The following MIPOL1 variants were observed in gnomAD, a reference collection of about 807,000 sequenced individuals.
MIPOL1 encodes the protein mirror-image polydactyly 1, also known as mirror-image polydactyly gene 1 protein.
Under a neutral mutation model 60.9 loss-of-function variants are expected in MIPOL1, and 57 were observed. The ratio of observed to expected loss-of-function variants is 0.94; its 90% CI spans 0.76 to 1.17. The LOEUF (loss-of-function observed/expected upper bound fraction) is 1.17. Among genes scored for constraint, MIPOL1 ranks in the 50% most tolerant of loss-of-function variants. MIPOL1 has a pLI of 0.00. For missense variants in MIPOL1, 551 were observed against 511.6 expected (o/e 1.08, Z -0.74); for synonymous variants, 179 against 168.8 (o/e 1.06, Z -0.47).
At chr14:37,224,632 T>TA (rs1448150067) in intron 1 of MIPOL1, among the ~76,000 whole-genome samples, 3 of 152,114 alleles carry the variant, frequency 2.0e-5, no homozygotes, top group Non-Finnish European at 4.4e-5. Context: ...GAGTCCCTCC[T>TA]ACAACATGAG....
chr14:37,327,604 T>A (rs779471441), intron 9 of MIPOL1, among the ~76,000 whole-genome samples: 5 of 152,140 alleles, frequency 3.3e-5, no homozygotes, highest in Non-Finnish European at 5.9e-5. Context: ...AGTCTTTAGC[T>A]GACAGTGAAA....
chr14:37,549,317 G>A lies in MIPOL1; in HGVS notation c.*2346G>A, dbSNP rs2095555939. The A allele has an allele frequency of 6.6e-6, 1 of 151,812 alleles. No homozygotes were observed. Among genetic ancestry groups the A allele is most frequent in the Non-Finnish European group, 1.5e-5 (1 of 67,814 alleles). 9.4% of individuals were successfully genotyped at this position (151,812 alleles called of 1,614,324 possible). On this transcript the variant is annotated 3_prime_UTR_variant, in exon 13 of 13. Transcript: ENST00000684589. ...AGGCAAAATGCTAATACTAACATTT[G>A]TAGCACTTGATGATTTACAAAGTCC...
In MIPOL1 at chr14:37,333,842, T is replaced by A. The variant is rs139389155; in HGVS notation, c.828+25323T>A. On this transcript the variant is annotated intron_variant, in intron 9 of 12. Transcript: ENST00000684589. ...CGATTTGAACAAAATTCATTACCGT[T>A]AGAGAAGGCTTGACTTTGCAATCAC... Among the ~76,000 whole-genome samples the A allele has an allele frequency of 3.1e-3, 468 of 152,152 alleles. 3 individuals carry two copies. Among genetic ancestry groups the A allele is most frequent in the African/African-American group, 9.6e-3 (399 of 41,536 alleles).
intron 1 of MIPOL1, among the ~76,000 whole-genome samples, chr14:37,234,547 C>T (rs1033133980): frequency 5.9e-5 from 9 of 151,864 alleles, no homozygotes; most frequent in African/African-American, 2.2e-4. Flanking sequence ...GTTACCCAGG[C>T]AGCTCTTTAA....
intron 10 of MIPOL1, among the ~76,000 whole-genome samples, chr14:37,391,557 A>G (rs12880162): frequency 6.6e-6 from 1 of 151,962 alleles, no homozygotes; most frequent in Non-Finnish European, 1.5e-5. Flanking sequence ...CACCACGTCC[A>G]GCTAATTTTT....
At chr14:37,485,199 A>G (rs1028181204) in intron 11 of MIPOL1, among the ~76,000 whole-genome samples, 1 of 152,078 alleles carries the variant, frequency 6.6e-6, no homozygotes, top group East Asian at 1.9e-4. Context: ...TCCATGGTGT[A>G]TATGTGCCAC....
chr14:37,543,116 A>G lies in MIPOL1; in HGVS notation c.1263-3789A>G, dbSNP rs890227245. Among the ~76,000 whole-genome samples the G allele has an allele frequency of 3.3e-5, 5 of 152,254 alleles. No homozygotes were observed. In the East Asian group the frequency reaches 9.7e-4, roughly 29 times the overall value. Reference sequence around the variant, plus strand: ...TCCTGGGAGTCAGCCATCTTGCCCAATCCACCTCACCTCATTCTATCCTCA... The same window carrying G: ...TCCTGGGAGTCAGCCATCTTGCCCAGTCCACCTCACCTCATTCTATCCTCA... On this transcript the variant is annotated intron_variant, in intron 12 of 12. Coordinates refer to ENST00000684589, the MANE Select transcript of MIPOL1 (RefSeq NM_001388067.1).
rs1366542077 is a variant in MIPOL1 at position 37,267,178 on chromosome 14, T to C, written c.251+9T>C. On this transcript the variant is annotated intron_variant, in intron 4 of 12. Coordinates refer to ENST00000684589, the MANE Select transcript of MIPOL1 (RefSeq NM_001388067.1). ...ACTACTGAAAAATACAAGTAAGTGC[T>C]CACAGCCTTAGATTTAGAAGGAATT... 3.1e-6 allele frequency: 5 copies of C among 1,594,332 alleles called. No homozygotes were observed. Among genetic ancestry groups the C allele is most frequent in the South Asian group, 1.1e-5 (1 of 90,508 alleles).
intron 10 of MIPOL1, chr14:37,369,837 T>A: frequency 3.3e-6 from 1 of 303,532 alleles, no homozygotes; most frequent in Non-Finnish European, 6.1e-6. Flanking sequence ...TTTCTGAATT[T>A]TGAGTGGTGG....
rs550343017 is a variant in MIPOL1 at position 37,423,975 on chromosome 14, A to G, written c.1031+1026A>G. On this transcript the variant is annotated intron_variant, in intron 11 of 12. Transcript: ENST00000684589. ...GCAAATGCTGAAATGTGACATGAAA[A>G]TACCAGTGATTTCTATGGGTGCAAA... Among the ~76,000 whole-genome samples the G allele has an allele frequency of 3.9e-5, 6 of 152,308 alleles. No homozygotes were observed. The East Asian group carries it at 1.2e-3, about 29-fold the overall frequency.
At chr14:37,244,104 C>CTTTTTTTTTTTTTTTTTTTTTTTTT (rs143933758) in intron 1 of MIPOL1, among the ~76,000 whole-genome samples, 1 of 51,588 alleles carries the variant, frequency 1.9e-5, no homozygotes. Flanking sequence ...GACTCACTTC[C>CTTTTTTTTTTTTTTTTTTTTTTTTT]TTTTTTTTTT....
In MIPOL1 at chr14:37,268,801, A is replaced by G. The variant is rs368191139; in HGVS notation, c.387+8A>G. 19 of 1,553,626 alleles carry G rather than the reference A, an allele frequency of 1.2e-5. No individual in the cohort carries two copies. Among genetic ancestry groups the G allele is most frequent in the African/African-American group, 6.9e-5 (5 of 72,356 alleles). On this transcript the variant is annotated splice_region_variant and intron_variant, in intron 5 of 12. Coordinates refer to ENST00000684589, the MANE Select transcript of MIPOL1 (RefSeq NM_001388067.1). ...AGAACAAGCAATAAAAAGGTATAAT[A>G]TGGAAAGTCTGATAATTGTATAGTA...
chr14:37,546,845 A>G, intron 12 of MIPOL1, 60 bp from the exon 13 acceptor site: 4 of 1,355,380 alleles, frequency 3.0e-6, no homozygotes, highest in Non-Finnish European at 4.2e-6. Flanking sequence ...CAGCCAGGAC[A>G]TTCTTAACAA....
chr14:37,281,444 G>A (rs943495676), intron 6 of MIPOL1, among the ~76,000 whole-genome samples: 9 of 151,930 alleles, frequency 5.9e-5, no homozygotes, highest in African/African-American at 1.7e-4. Flanking sequence ...TTGCTCTGTC[G>A]CCCAGGCTGG....
chr14:37,438,989 A>T (rs145658116), intron 11 of MIPOL1, among the ~76,000 whole-genome samples: 1 of 152,344 alleles, frequency 6.6e-6, no homozygotes, highest in East Asian at 1.9e-4. Flanking sequence ...GTAACCATTA[A>T]CCAAATAGCT....
At chr14:37,320,121 T>C (rs769888611) in intron 9 of MIPOL1, among the ~76,000 whole-genome samples, 27 of 152,278 alleles carry the variant, frequency 1.8e-4, no homozygotes, top group Admixed American at 1.2e-3. Context: ...TTATAGAGAT[T>C]CTTGAACATA....
chr14:37,365,186 G>A (rs1341639665), intron 9 of MIPOL1, among the ~76,000 whole-genome samples: 1 of 152,066 alleles, frequency 6.6e-6, no homozygotes, highest in African/African-American at 2.4e-5. Flanking sequence ...ATTCCAGTTT[G>A]GATGCCCTTT....
intron 3 of MIPOL1, among the ~76,000 whole-genome samples, chr14:37,264,579 G>C (rs2082735649): frequency 6.6e-6 from 1 of 152,062 alleles, no homozygotes. Flanking sequence ...AGCGAGCCAT[G>C]ATTGTGCTAC....
intron 10 of MIPOL1, among the ~76,000 whole-genome samples, chr14:37,420,417 T>C (rs1400774729): frequency 1.3e-5 from 2 of 152,180 alleles, no homozygotes; most frequent in Admixed American, 6.6e-5. Context: ...GCCAGAAATA[T>C]GGGAATAGGA....
Sources: allele counts gnomAD v4.1 joint callset (sites outside exome capture counted in the v4.1 genomes callset), GRCh38; gene constraint gnomAD v4.1.1; transcripts MANE v1.5; gene names NCBI Gene and HGNC (gene_info 2026-07-23, HGNC 2026-07-21).